NAT1: variants seen among roughly 807,000 people sequenced by gnomAD.
The protein encoded by NAT1 is arylamine N-acetyltransferase 1.
For missense variants in NAT1, 400 were observed against 339.2 expected (o/e 1.18, Z -1.41); for synonymous variants, 144 against 122.6 (o/e 1.17, Z -1.16).
At chr8:18,191,396 A>G (rs982218232) in intron 2 of NAT1, among the ~76,000 whole-genome samples, 3 of 152,146 alleles carry the variant, frequency 2.0e-5, no homozygotes, top group African/African-American at 7.2e-5. Flanking sequence ...TTTTTCTAAG[A>G]TTTTTGCATT....
At position 18,174,294 on chromosome 8, in the gene NAT1, G is replaced by A. The variant is rs58931994; in HGVS notation, n.92+3555G>A. Among the ~76,000 whole-genome samples, 203 of 152,220 alleles carry A rather than the reference G, an allele frequency of 1.3e-3. 1 individual carries two copies. The highest frequency in any genetic ancestry group is 4.4e-3 in the African/African-American group (183 of 41,546). The stretch of plus-strand genomic sequence containing the variant: ...CTGATTACAACATTCTCAGCAAGCC[G>A]TATTTCATCTGGACACATTCAGTCC... On this transcript the variant is annotated intron_variant and non_coding_transcript_variant, in intron 2 of 4. Coordinates refer to the NAT1 transcript ENST00000517441.
chr8:18,191,686 C>T (rs192846669), intron 2 of NAT1, among the ~76,000 whole-genome samples: 2,128 of 152,136 alleles, frequency 0.014, 45 homozygotes, highest in African/African-American at 0.041. Flanking sequence ...GAAATAACGC[C>T]GCATATCTAC....
upstream of NAT1, among the ~76,000 whole-genome samples, chr8:18,207,768 T>C (rs1389372089): frequency 6.6e-6 from 1 of 152,230 alleles, no homozygotes; most frequent in African/African-American, 2.4e-5. Flanking sequence ...TTCCTGGGTA[T>C]ATACCCAAAG....
At chr8:18,221,768 C>G (rs1346438271) in intron 2 of NAT1, 2 of 308,934 alleles carry the variant, frequency 6.5e-6, no homozygotes, top group Admixed American at 9.4e-5. Flanking sequence ...CCAAGAGAAC[C>G]ATGAACAAGC....
At chr8:18,206,940 T>C (rs1215081089), upstream of NAT1, among the ~76,000 whole-genome samples, 2 of 152,234 alleles carry the variant, frequency 1.3e-5, no homozygotes, top group East Asian at 3.8e-4. Context: ...TCATGAAATC[T>C]TTGCCCATGT....
In NAT1 at chr8:18,222,428, C is replaced by G. The variant is rs1351312055; in HGVS notation, c.381C>G (p.Arg127=). ...RNYIVDAGFG[R]SYQMWQPLEL... ...ACATTGTCGATGCTGGGTTTGGACG[C>G]TCATACCAGATGTGGCAGCCTCTGG... Residue 127 remains arginine, a synonymous_variant, in exon 3 of 3, where the codon CGC becomes CGG. Transcript: ENST00000307719. 1 of 1,613,964 alleles carries G rather than the reference C, an allele frequency of 6.2e-7. No homozygotes were observed. Among genetic ancestry groups the G allele is most frequent in the Non-Finnish European group, 8.5e-7 (1 of 1,180,004 alleles).
intron 2 of NAT1, among the ~76,000 whole-genome samples, chr8:18,195,524 C>T (rs1031568066): frequency 6.6e-6 from 1 of 152,160 alleles, no homozygotes; most frequent in African/African-American, 2.4e-5. Flanking sequence ...GACCCATCCC[C>T]AGAGAACTGT....
At chr8:18,184,278 T>C (rs1467649330) in intron 2 of NAT1, among the ~76,000 whole-genome samples, 1 of 152,128 alleles carries the variant, frequency 6.6e-6, no homozygotes, top group Admixed American at 6.6e-5. Context: ...GAAGACTAGG[T>C]GTGGCCAAGG....
In NAT1 at chr8:18,223,031, C is replaced by T. The variant is rs1294160033; in HGVS notation, c.*111C>T. On this transcript the variant is annotated 3_prime_UTR_variant, in exon 3 of 3. Coordinates refer to ENST00000307719, the MANE Select transcript of NAT1 (RefSeq NM_000662.8). Reference sequence around the variant, plus strand: ...ACCTTATTTTGAAGAAAATCCTAGACATCAAATCATTTCACCTATAAAAAT... The same window carrying T: ...ACCTTATTTTGAAGAAAATCCTAGATATCAAATCATTTCACCTATAAAAAT... 6.4e-6 allele frequency: 5 copies of T among 781,534 alleles called. No individual in the cohort carries two copies. The highest frequency in any genetic ancestry group is 5.7e-5 in the South Asian group (1 of 17,606). 48.4% of individuals were successfully genotyped at this position (781,534 alleles called of 1,614,324 possible). A position where few individuals can be genotyped will look rare whatever the true frequency, so the allele number is the denominator to read the frequency against.
intron 2 of NAT1, among the ~76,000 whole-genome samples, chr8:18,202,878 C>T (rs1221458632): frequency 1.3e-5 from 2 of 152,114 alleles, no homozygotes; most frequent in East Asian, 3.9e-4. Context: ...GCTGTTATTC[C>T]CTTATTTGGT....
At chr8:18,218,891 C>T (rs1563192916) in intron 1 of NAT1, among the ~76,000 whole-genome samples, 1 of 152,122 alleles carries the variant, frequency 6.6e-6, no homozygotes, top group Non-Finnish European at 1.5e-5. Context: ...ACAAGAGATG[C>T]TCTGATAGCG....
At chr8:18,214,848 C>T (rs933923143) in intron 1 of NAT1, among the ~76,000 whole-genome samples, 2 of 152,190 alleles carry the variant, frequency 1.3e-5, no homozygotes, top group Non-Finnish European at 2.9e-5. Flanking sequence ...CACCCTCCAA[C>T]CTGTGAAAGG....
intron 1 of NAT1, among the ~76,000 whole-genome samples, chr8:18,215,600 A>T (rs771270458): frequency 6.6e-6 from 1 of 152,040 alleles, no homozygotes; most frequent in South Asian, 2.1e-4. Flanking sequence ...CACATGGTCC[A>T]TAGCCCCAGA....
At chr8:18,196,303 T>C (rs73666897) in intron 2 of NAT1, among the ~76,000 whole-genome samples, 1,719 of 152,036 alleles carry the variant, frequency 0.011, 12 homozygotes, top group Middle Eastern at 0.031. Context: ...AAGTTCTGAA[T>C]AAATGCCCCA....
intron 1 of NAT1, among the ~76,000 whole-genome samples, chr8:18,210,521 G>A (rs763982765): frequency 4.6e-5 from 7 of 152,156 alleles, no homozygotes; most frequent in African/African-American, 1.7e-4. Context: ...GATTACATAC[G>A]TGTATTAAAA....
chr8:18,194,755 G>T (rs528387328), intron 2 of NAT1, among the ~76,000 whole-genome samples: 1 of 151,884 alleles, frequency 6.6e-6, no homozygotes, highest in African/African-American at 2.4e-5. Context: ...TGGGGGTGGA[G>T]GTTGAAGTAA....
At chr8:18,194,995 T>G (rs1462428468) in intron 2 of NAT1, among the ~76,000 whole-genome samples, 1 of 152,142 alleles carries the variant, frequency 6.6e-6, no homozygotes, top group Non-Finnish European at 1.5e-5. Flanking sequence ...CTCTTCTCAC[T>G]AATACGTCAT....
At chr8:18,200,888 AG>A (rs1460933900) in intron 2 of NAT1, 1 of 152,134 alleles carries the variant, frequency 6.6e-6, no homozygotes, top group Non-Finnish European at 1.5e-5. Flanking sequence ...ATTTGTAGTG[AG>A]GGTCTTCCCT....
rs748465170 is a variant in NAT1, at chr8:18,193,506, A to AT, written n.93-16275_93-16274insT. ...TATATAATCTGATATATATATATAT[A>AT]ATATATATATATATATCACATACTT... On this transcript the variant is annotated intron_variant and non_coding_transcript_variant, in intron 2 of 4. Transcript: ENST00000517441. Among the ~76,000 whole-genome samples the AT allele has an allele frequency of 8.6e-3, 1,145 of 132,444 alleles. 17 individuals are homozygous for AT. The highest frequency in any genetic ancestry group is 0.033 in the African/African-American group (981 of 29,444). The allele number at this position is 132,444 out of a possible 152,430, so 86.9% of individuals were successfully genotyped here.
Sources: gnomAD v4.1 joint callset for allele counts (sites outside exome capture counted in the v4.1 genomes callset) on GRCh38, gnomAD v4.1.1 for gene constraint, MANE v1.5 for transcripts, NCBI Gene and HGNC (gene_info 2026-07-23, HGNC 2026-07-21) for gene names.